Variants in FLYWCH1 observed in about 807,000 individuals in gnomAD.
FLYWCH1 encodes FLYWCH-type zinc finger 1.
A neutral mutation model predicts 66.4 loss-of-function variants in FLYWCH1; 75 were observed. The ratio of observed to expected loss-of-function variants is 1.13; its 90% CI spans 0.94 to 1.37. The LOEUF is 1.37. FLYWCH1 is among the 40% of genes most tolerant of loss of function. The pLI, the probability that FLYWCH1 is intolerant of heterozygous loss-of-function variation, is 0.00. For missense variants in FLYWCH1, 1,334 were observed against 1,001.8 expected (o/e 1.33, Z -4.48); for synonymous variants, 595 against 429.9 (o/e 1.38, Z -4.75).
At chr16:2,947,945 G>A (rs1178516557) in intron 9 of FLYWCH1, among the ~76,000 whole-genome samples, 1 of 152,112 alleles carries the variant, frequency 6.6e-6, no homozygotes, top group African/African-American at 2.4e-5. Flanking sequence ...GGAGGCTGAG[G>A]TGGGAGGATC....
chr16:2,929,235 A>G (rs2070675003), intron 2 of FLYWCH1, among the ~76,000 whole-genome samples: 1 of 152,160 alleles, frequency 6.6e-6, no homozygotes, highest in African/African-American at 2.4e-5. Context: ...ATCCTCGTCT[A>G]TAACTGGGTC....
At chr16:2,943,834 G>A (rs1309777830) in intron 9 of FLYWCH1, among the ~76,000 whole-genome samples, 1 of 152,132 alleles carries the variant, frequency 6.6e-6, no homozygotes, top group East Asian at 1.9e-4. Flanking sequence ...CTACTTGGAA[G>A]GCTGAGGCAG....
intron 6 of FLYWCH1, chr16:2,936,902 A>G (rs2071027731): frequency 1.5e-6 from 1 of 672,546 alleles, no homozygotes; most frequent in Non-Finnish European, 2.6e-6. Flanking sequence ...CGCCACCTGC[A>G]GGGGCCTCAC....
Position 2,950,916 on chromosome 16 carries a change from T to A in FLYWCH1, c.*2189T>A, listed in dbSNP as rs2071646940. 1 of 152,280 alleles carries A rather than the reference T, an allele frequency of 6.6e-6. No individual in the cohort carries two copies. Among genetic ancestry groups the A allele is most frequent in the Non-Finnish European group, 1.5e-5 (1 of 68,058 alleles). The allele number at this position is 152,280 out of a possible 1,614,324, so 9.4% of individuals were successfully genotyped here. ...GCCATGACAAGGGCCTGACAGCCAC[T>A]AAGTGAGCTTCAGAGCCTTCCCCTT... is the stretch of plus-strand genomic sequence containing the variant. On this transcript the variant is annotated 3_prime_UTR_variant, in exon 10 of 10. Transcript: ENST00000253928.
At chr16:2,913,245 G>A (rs1288959788) in intron 1 of FLYWCH1, 1 of 152,338 alleles carries the variant, frequency 6.6e-6, no homozygotes, top group Non-Finnish European at 1.5e-5. Flanking sequence ...GGCTAAAGAG[G>A]TCGTGGTAAG....
intron 9 of FLYWCH1, among the ~76,000 whole-genome samples, chr16:2,945,853 C>T (rs577786709): frequency 5.9e-5 from 9 of 151,462 alleles, no homozygotes; most frequent in Non-Finnish European, 8.8e-5. Context: ...AAAAATTAGC[C>T]GAGCGTGGTG....
At position 2,930,654 on chromosome 16, in the gene FLYWCH1, G is replaced by T; in HGVS notation, c.570G>T (p.Leu190=). The part of the protein sequence containing the change: ...GLEARRQREK[L]PSLALPEGLG... ...AGGCCCGGCGCCAGAGGGAGAAACT[G>T]CCCAGCCTGGCCCTGCCAGAGGGCT... The change falls in exon 4 of 10, where the codon CTG becomes CTT. Residue 190 remains leucine (L), a synonymous_variant. Coordinates refer to ENST00000253928, the MANE Select transcript of FLYWCH1 (RefSeq NM_001308068.2). 1 of 1,546,156 alleles carries T rather than the reference G, an allele frequency of 6.5e-7. No homozygotes were observed. Among genetic ancestry groups the T allele is most frequent in the Non-Finnish European group, 8.7e-7 (1 of 1,147,072 alleles).
intron 2 of FLYWCH1, chr16:2,915,525 T>C (rs987889404): frequency 3.3e-5 from 5 of 152,312 alleles, no homozygotes; most frequent in African/African-American, 1.2e-4. Context: ...TATAAAAGAA[T>C]TGTATTTCCT....
chr16:2,931,289 C>T (rs547913964), intron 4 of FLYWCH1, among the ~76,000 whole-genome samples: 5 of 120,008 alleles, frequency 4.2e-5, no homozygotes, highest in East Asian at 4.8e-4. Context: ...GTGACTGGAG[C>T]GAGACTCCAT....
chr16:2,945,973 G>A (rs2071470426), intron 9 of FLYWCH1, among the ~76,000 whole-genome samples: 1 of 152,116 alleles, frequency 6.6e-6, no homozygotes, highest in African/African-American at 2.4e-5. Context: ...CTCCAGCCTG[G>A]GCAACAGAGC....
At chr16:2,936,791 C>T (rs1346238991) in intron 6 of FLYWCH1, 3 of 535,766 alleles carry the variant, frequency 5.6e-6, no homozygotes, top group Admixed American at 2.2e-5. Context: ...ACCAACCAGG[C>T]ACGGCGCACC....
At chr16:2,916,887 G>A (rs2070186662) in intron 2 of FLYWCH1, among the ~76,000 whole-genome samples, 1 of 151,248 alleles carries the variant, frequency 6.6e-6, no homozygotes, top group Admixed American at 6.6e-5. Context: ...GCTCACTCCT[G>A]TAATCCCAGC....
chr16:2,939,072 C>G (rs2071148745), intron 8 of FLYWCH1, among the ~76,000 whole-genome samples: 1 of 152,082 alleles, frequency 6.6e-6, no homozygotes, highest in Admixed American at 6.6e-5. Flanking sequence ...CACACCCGGC[C>G]AAAACCAATC....
Position 2,933,222 on chromosome 16 carries a change from G to A in FLYWCH1, c.889G>A (p.Gly297Arg), listed in dbSNP as rs771241826. ...CCTCTACAAGCGGGAGAAGGCTGTC[G>A]GGGACAAGGTGTATTGGACCTGCCG... is the stretch of plus-strand genomic sequence containing the variant. ...SFLYKREKAVGDKVYWTCRDH... is the reference protein window; with the variant it reads ...SFLYKREKAVRDKVYWTCRDH... Residue 297 changes from glycine (G) to arginine (R), a missense_variant, in exon 5 of 10, where the codon GGG becomes AGG. Gly to Arg is a moderately radical substitution (Grantham distance 125). Transcript: ENST00000253928. 2.5e-5 allele frequency: 41 copies of A among 1,613,498 alleles called. No individual in the cohort carries two copies. Among genetic ancestry groups the A allele is most frequent in the East Asian group, 6.7e-5 (3 of 44,840 alleles).
Position 2,940,076 on chromosome 16 carries a change from A to G in FLYWCH1, c.2095A>G (p.Ser699Gly). 1 of 1,449,258 alleles carries G rather than the reference A, an allele frequency of 6.9e-7. No individual in the cohort carries two copies. The highest frequency in any genetic ancestry group is 9.7e-7 in the Non-Finnish European group (1 of 1,030,488). The allele number at this position is 1,449,258 out of a possible 1,614,324, so 89.8% of individuals were successfully genotyped here. A position where few individuals can be genotyped will look rare whatever the true frequency, so the allele number is the denominator to read the frequency against. ...GTGCTTCAAGACGTGTTCTCCTGAA[A>G]GCCAGCAGATTTATGGGTAATTGTA... Reference protein sequence around the residue: ...QLCFKTCSPESQQIYGDIKDV... With the variant: ...QLCFKTCSPEGQQIYGDIKDV... The change falls in exon 9 of 10, where the codon AGC becomes GGC. Residue 699 changes from serine (S) to glycine (G), a missense_variant. Physicochemically the swap from Ser to Gly is moderately conservative, Grantham distance 56. Coordinates refer to ENST00000253928, the MANE Select transcript of FLYWCH1 (RefSeq NM_001308068.2).
chr16:2,928,920 G>A (rs2070663262), intron 2 of FLYWCH1: 1 of 152,370 alleles, frequency 6.6e-6, no homozygotes, highest in Admixed American at 6.5e-5. Context: ...GGCACAAGGT[G>A]GCTGCCACTG....
chr16:2,925,166 G>A (rs1331911114), intron 2 of FLYWCH1, among the ~76,000 whole-genome samples: 1 of 152,222 alleles, frequency 6.6e-6, no homozygotes, highest in Non-Finnish European at 1.5e-5. Context: ...GCAACCTGGC[G>A]TCCCCATGCC....
chr16:2,934,684 C>A (rs1166053442), intron 6 of FLYWCH1: 1 of 456,156 alleles, frequency 2.2e-6, no homozygotes, highest in Non-Finnish European at 4.4e-6. Context: ...TGCCTCATGG[C>A]CCTAAAGTTC....
chr16:2,933,092 C>T lies in FLYWCH1; in HGVS notation c.797-38C>T, dbSNP rs762059710. On this transcript the variant is annotated intron_variant, in intron 4 of 9. Coordinates refer to ENST00000253928, the MANE Select transcript of FLYWCH1 (RefSeq NM_001308068.2). ...GGGCTGTCCCTCCTGGGCTCCTCTC[C>T]ACCCCTGGTGATGTGACCACTTGGG... 4 of 1,574,892 alleles carry T rather than the reference C, an allele frequency of 2.5e-6. No individual in the cohort carries two copies. The East Asian group carries it at 9.0e-5, about 35-fold the overall frequency.
Sources: allele counts gnomAD v4.1 joint callset (sites outside exome capture counted in the v4.1 genomes callset), GRCh38; gene constraint gnomAD v4.1.1; transcripts MANE v1.5; gene names NCBI Gene and HGNC (gene_info 2026-07-23, HGNC 2026-07-21).